The following NLGN4X variants were observed in gnomAD, a reference collection of about 807,000 sequenced individuals.
The protein encoded by NLGN4X is neuroligin 4 X-linked.
A neutral mutation model predicts 40.3 loss-of-function variants in NLGN4X; 3 were observed. The observed-to-expected ratio is 0.07, with a 90% CI of 0.03 to 0.19. NLGN4X has a LOEUF of 0.19. Ranked by LOEUF, NLGN4X falls within the 10% of genes least tolerant of loss-of-function variation. The probability of loss-of-function intolerance (pLI) is 1.00; values close to 1 mark genes in which losing one functional copy is unlikely to be tolerated. For missense variants in NLGN4X, 382 were observed against 708.3 expected, an observed-to-expected ratio of 0.54 and a Z score of 5.23; for synonymous variants, 270 against 306.8, an observed-to-expected ratio of 0.88 and a Z score of 1.25.
intron 1 of NLGN4X, among the ~76,000 whole-genome samples, chrX:6,153,408 G>C (rs940735454): frequency 8.9e-6 from 1 of 111,742 alleles, no homozygotes; most frequent in Admixed American, 9.5e-5. Context: ...TTCTATCTCT[G>C]AATTCTACTG....
chrX:6,040,529 C>T lies in NLGN4X; in HGVS notation c.473-11097G>A, dbSNP rs532411271. On this transcript the variant is annotated intron_variant, in intron 2 of 5. Transcript: ENST00000381095. The stretch of plus-strand genomic sequence containing the variant: ...AACATAAAGACATTTTATTTGCTTA[C>T]ATATTCTCCTAACAGTTTTAAGGTT... Among the ~76,000 whole-genome samples, 46 of 111,947 alleles carry T rather than the reference C, an allele frequency of 4.1e-4. No individual in the cohort carries two copies. The South Asian group carries it at 0.016, about 40-fold the overall frequency.
chrX:6,199,320 A>C (rs1054547441), intron 1 of NLGN4X, among the ~76,000 whole-genome samples: 15 of 111,680 alleles, frequency 1.3e-4, no homozygotes, highest in Non-Finnish European at 3.8e-5. Context: ...CCCATTTCTC[A>C]ACACAACATT....
intron 1 of NLGN4X, among the ~76,000 whole-genome samples, chrX:6,208,925 G>A (rs1173986141): frequency 8.9e-6 from 1 of 112,173 alleles, no homozygotes; most frequent in Non-Finnish European, 1.9e-5. Context: ...AAGGATACCT[G>A]CACGCATACG....
intron 1 of NLGN4X, among the ~76,000 whole-genome samples, chrX:6,157,543 T>C (rs1235850645): frequency 9.0e-6 from 1 of 110,999 alleles, no homozygotes; most frequent in East Asian, 2.8e-4. Context: ...ATATCATAGC[T>C]TGGGGGGCTT....
intron 3 of NLGN4X, among the ~76,000 whole-genome samples, chrX:5,938,486 G>A (rs866516688): frequency 3.6e-5 from 4 of 111,018 alleles, no homozygotes; most frequent in Non-Finnish European, 5.7e-5. Flanking sequence ...TTAGGTGTTC[G>A]GTTGGCTTTG....
At chrX:6,004,641 A>G (rs1054087796) in intron 3 of NLGN4X, among the ~76,000 whole-genome samples, 2 of 112,019 alleles carry the variant, frequency 1.8e-5, no homozygotes, top group Non-Finnish European at 3.8e-5. Context: ...TTCTATCACT[A>G]AACATTAAGT....
intron 3 of NLGN4X, among the ~76,000 whole-genome samples, chrX:5,936,173 C>A (rs932143675): frequency 9.0e-6 from 1 of 111,604 alleles, no homozygotes; most frequent in Non-Finnish European, 1.9e-5. Flanking sequence ...AGCAGAACTG[C>A]ACAAAACAGC....
intron 3 of NLGN4X, among the ~76,000 whole-genome samples, chrX:6,021,047 TCCCTCCCTCCCTCCCTCCCTCCCTCC>T (rs1199524946): frequency 6.3e-3 from 152 of 23,957 alleles, no homozygotes; most frequent in East Asian, 0.023. Flanking sequence ...TCTCTCTCTC[TCCCTCCCTCCCTCCCTCCCTCCCTCC>T]CTCCCTCTCT....
chrX:6,022,649 T>C (rs921447708), intron 3 of NLGN4X, among the ~76,000 whole-genome samples: 27 of 111,651 alleles, frequency 2.4e-4, no homozygotes, highest in African/African-American at 8.5e-4. Flanking sequence ...GAAGAACGTA[T>C]TGGTCCTCTC....
chrX:6,107,635 AG>A (rs1170844370), intron 2 of NLGN4X, among the ~76,000 whole-genome samples: 1 of 111,438 alleles, frequency 9.0e-6, no homozygotes, highest in Non-Finnish European at 1.9e-5. Flanking sequence ...ATGGACTTCT[AG>A]GGTTCCAATC....
At chrX:6,155,096 A>C (rs1160762859) in intron 1 of NLGN4X, among the ~76,000 whole-genome samples, 1 of 111,440 alleles carries the variant, frequency 9.0e-6, no homozygotes, top group Admixed American at 9.6e-5. Context: ...TTGTCTTTCA[A>C]AGGCCTGGGA....
chrX:6,039,800 ATGTC>A (rs1479448340), intron 2 of NLGN4X, among the ~76,000 whole-genome samples: 1 of 112,410 alleles, frequency 8.9e-6, no homozygotes, highest in Non-Finnish European at 1.9e-5. Flanking sequence ...GACTGGCTGA[ATGTC>A]TGTTATTGAT....
In NLGN4X at chrX:5,891,213, G is replaced by A; in HGVS notation, c.*1604C>T. The A allele has an allele frequency of 4.3e-6, 1 of 231,909 alleles. No homozygotes were observed. The highest frequency in any genetic ancestry group is 4.9e-5 in the South Asian group (1 of 20,438). 19.1% of individuals were successfully genotyped at this position (231,909 alleles called of 1,213,427 possible). A position where few individuals can be genotyped will look rare whatever the true frequency, so the allele number is the denominator to read the frequency against. Reference sequence around the variant, plus strand: ...GATCCCTAGGTCACCAATTTAAAATGGGTGAATAATTTCCATTCAATGTCT... The same window carrying A: ...GATCCCTAGGTCACCAATTTAAAATAGGTGAATAATTTCCATTCAATGTCT... On this transcript the variant is annotated 3_prime_UTR_variant, in exon 6 of 6. Transcript: ENST00000381095.
intron 2 of NLGN4X, among the ~76,000 whole-genome samples, chrX:6,140,544 G>A (rs1300019490): frequency 5.5e-5 from 6 of 108,908 alleles, no homozygotes; most frequent in Non-Finnish European, 1.1e-4. Flanking sequence ...AAAAGTCATC[G>A]TCAGATACGT....
chrX:6,083,897 C>T (rs1483662423), intron 2 of NLGN4X, among the ~76,000 whole-genome samples: 1 of 111,649 alleles, frequency 9.0e-6, no homozygotes, highest in African/African-American at 3.3e-5. Context: ...GTAACTGAAG[C>T]TAGTGGCCTG....
chrX:6,127,498 A>G (rs1453296343), intron 2 of NLGN4X, among the ~76,000 whole-genome samples: 2 of 112,124 alleles, frequency 1.8e-5, no homozygotes, highest in African/African-American at 6.5e-5. Context: ...AATCCCAGCT[A>G]CTTGGGAGGC....
At chrX:6,048,879 T>C (rs910216397) in intron 2 of NLGN4X, among the ~76,000 whole-genome samples, 1 of 107,143 alleles carries the variant, frequency 9.3e-6, no homozygotes, top group African/African-American at 3.4e-5. Flanking sequence ...TTAGCATAAA[T>C]AGCTAATGGA....
At chrX:5,976,306 T>C (rs1446345651) in intron 3 of NLGN4X, among the ~76,000 whole-genome samples, 2 of 112,200 alleles carry the variant, frequency 1.8e-5, no homozygotes, top group Non-Finnish European at 3.8e-5. Context: ...CAAATCAGAC[T>C]AGAAGGCTGA....
intron 3 of NLGN4X, among the ~76,000 whole-genome samples, chrX:6,022,016 T>G (rs183367474): frequency 1.7e-3 from 196 of 112,234 alleles, no homozygotes; most frequent in African/African-American, 6.2e-3. Context: ...GGATTTCACT[T>G]TCTCACCCTT....
Sources: allele counts gnomAD v4.1 joint callset (sites outside exome capture counted in the v4.1 genomes callset), GRCh38; gene constraint gnomAD v4.1.1; transcripts MANE v1.5; gene names NCBI Gene and HGNC (gene_info 2026-07-23, HGNC 2026-07-21).